The following UBR3 variants were observed in gnomAD, a reference collection of about 807,000 sequenced individuals.
UBR3 encodes the protein E3 ubiquitin-protein ligase UBR3.
Under a neutral mutation model 243.2 loss-of-function variants are expected in UBR3, and 85 were observed. The ratio of observed to expected loss-of-function variants is 0.35; its 90% confidence interval spans 0.29 to 0.42. The LOEUF is 0.42. UBR3 is among the 10% of genes least tolerant of loss of function. The pLI, the probability that UBR3 is intolerant of heterozygous loss-of-function variation, is 1.00. For missense variants in UBR3, 1,686 were observed against 2,300.8 expected (o/e 0.73, Z 5.47); for synonymous variants, 748 against 799.8 (o/e 0.94, Z 1.09).
chr2:169,857,737 T>C (rs1264588488), intron 1 of UBR3, among the ~76,000 whole-genome samples: 1 of 151,844 alleles, frequency 6.6e-6, no homozygotes, highest in Non-Finnish European at 1.5e-5. Flanking sequence ...AAATTTAATC[T>C]ATTTTTATTT....
At chr2:169,896,316 A>G (rs1272905553) in intron 7 of UBR3, among the ~76,000 whole-genome samples, 191 bp from the exon 8 acceptor site, 1 of 152,040 alleles carries the variant, frequency 6.6e-6, no homozygotes, top group African/African-American at 2.4e-5. Flanking sequence ...TTTTTCTTTA[A>G]CCATCAAAAT....
chr2:169,830,055 C>T (rs1206145621), intron 1 of UBR3, among the ~76,000 whole-genome samples: 3 of 152,128 alleles, frequency 2.0e-5, no homozygotes, highest in South Asian at 2.1e-4. Context: ...TGTCGTCATT[C>T]TATTTTTTTA....
chr2:169,998,640 G>A (rs1161883427), intron 26 of UBR3, among the ~76,000 whole-genome samples: 4 of 152,192 alleles, frequency 2.6e-5, no homozygotes, highest in African/African-American at 9.7e-5. Context: ...ACTGTATAGA[G>A]CAGAAGAATG....
At chr2:169,966,689 C>T (rs1399900411) in intron 24 of UBR3, among the ~76,000 whole-genome samples, 6 of 152,118 alleles carry the variant, frequency 3.9e-5, no homozygotes, top group African/African-American at 1.4e-4. Context: ...CTTCTCTCTA[C>T]CTCGTTTTCA....
chr2:170,081,271 G>A (rs1301188609), intron 38 of UBR3, among the ~76,000 whole-genome samples: 2 of 152,150 alleles, frequency 1.3e-5, no homozygotes, highest in Admixed American at 6.5e-5. Flanking sequence ...GGCCGAGGTG[G>A]GTGGATCACT....
chr2:169,839,661 AAT>A (rs1417174827), intron 1 of UBR3, among the ~76,000 whole-genome samples: 1 of 152,190 alleles, frequency 6.6e-6, no homozygotes, highest in African/African-American at 2.4e-5. Flanking sequence ...TTATGCATCA[AAT>A]AAAACACACA....
chr2:169,852,030 T>C (rs1055614879), intron 1 of UBR3, among the ~76,000 whole-genome samples: 3 of 152,178 alleles, frequency 2.0e-5, no homozygotes, highest in Non-Finnish European at 4.4e-5. Context: ...TTATTTTTTT[T>C]CCCGGTAATT....
rs192402082 is a variant in UBR3 at position 170,081,425 on chromosome 2, G to A, written c.5550-301G>A. Among the ~76,000 whole-genome samples, 139 of 151,290 alleles carry A rather than the reference G, an allele frequency of 9.2e-4. 1 individual carries two copies. Among genetic ancestry groups the A allele is most frequent in the African/African-American group, 3.3e-3 (136 of 41,200 alleles). ...TGAGGCAGGAGAATGGCATGAACTC[G>A]GGAGGCGGAGCTTGCAGTGAGCCAA... On this transcript the variant is annotated intron_variant, in intron 38 of 38. Transcript: ENST00000272793.
chr2:170,022,179 G>A (rs1380033920), intron 30 of UBR3, among the ~76,000 whole-genome samples: 1 of 152,114 alleles, frequency 6.6e-6, no homozygotes, highest in Non-Finnish European at 1.5e-5. Context: ...AAAGCGAAAA[G>A]GGGAGGCTTC....
chr2:170,037,395 A>T (rs1317080370), intron 31 of UBR3, among the ~76,000 whole-genome samples: 11 of 149,990 alleles, frequency 7.3e-5, no homozygotes, highest in Non-Finnish European at 3.0e-5. Flanking sequence ...CTCACTTATA[A>T]TTTTTTTTTT....
rs186186879 is a variant in UBR3 at position 169,932,984 on chromosome 2, C to G, written c.2639C>G (p.Ser880Cys). 15 of 1,531,406 alleles carry G rather than the reference C, an allele frequency of 9.8e-6. No homozygotes were observed. In the East Asian group the frequency reaches 3.8e-4, roughly 38 times the overall value. 94.9% of individuals were successfully genotyped at this position (1,531,406 alleles called of 1,614,324 possible). A position where few individuals can be genotyped will look rare whatever the true frequency, so the allele number is the denominator to read the frequency against. The change falls in exon 19 of 39, where the codon TCT (serine) becomes TGT (cysteine). Residue 880 changes from serine (S) to cysteine (C), a missense_variant. By Grantham distance (112) the Ser-to-Cys change is moderately radical. Around this residue, in one of 8 missense-constraint regions of UBR3, gnomAD observed 346 missense variants for 585.8 expected, o/e 0.59. Coordinates refer to ENST00000272793, the MANE Select transcript of UBR3 (RefSeq NM_172070.4). ...LRTVYRRDVQ[S>C]AMDRYTAFLK... ...ACAGTTTACCGTAGAGATGTGCAGT[C>G]TGCAATGGACAGATATACTGCATTG...
chr2:170,033,157 A>G (rs1036234711), intron 31 of UBR3, among the ~76,000 whole-genome samples: 4 of 152,064 alleles, frequency 2.6e-5, no homozygotes, highest in African/African-American at 7.2e-5. Context: ...AGTATTGACT[A>G]ATTAAAAAGC....
intron 5 of UBR3, among the ~76,000 whole-genome samples, chr2:169,885,283 C>A (rs1371373698): frequency 1.3e-5 from 2 of 152,036 alleles, no homozygotes; most frequent in East Asian, 3.9e-4. Flanking sequence ...GGAATTGTAA[C>A]AATTAAAAGA....
At chr2:169,954,112 A>C (rs184230294) in intron 23 of UBR3, among the ~76,000 whole-genome samples, 3 of 152,256 alleles carry the variant, frequency 2.0e-5, no homozygotes, top group Non-Finnish European at 2.9e-5. Context: ...TGATAGTGGT[A>C]TTTGAGTATG....
At chr2:169,884,967 A>G (rs2084034237) in intron 5 of UBR3, among the ~76,000 whole-genome samples, 1 of 152,236 alleles carries the variant, frequency 6.6e-6, no homozygotes, top group Non-Finnish European at 1.5e-5. Context: ...GTACTTAAAT[A>G]TAGATGTTCT....
intron 10 of UBR3, among the ~76,000 whole-genome samples, chr2:169,909,530 A>G (rs552568103): frequency 6.6e-5 from 10 of 152,302 alleles, no homozygotes; most frequent in Admixed American, 3.3e-4. Flanking sequence ...GATTTTGACT[A>G]AAGGGTACAA....
At chr2:169,895,073 T>G in intron 6 of UBR3, 108 bp from the exon 7 acceptor site, 1 of 1,067,842 alleles carries the variant, frequency 9.4e-7, no homozygotes, top group Non-Finnish European at 1.3e-6. Context: ...TGTAAGGATA[T>G]TTTTAACTTT....
At position 170,073,556 on chromosome 2, in the gene UBR3, G is replaced by C; in HGVS notation, c.5148G>C (p.Gln1716His). ...TTCCAGCATTTGATATTATAACTCA[G>C]TGGTGTTTTGAGATAAAATCATTTA... ...WPVPAFDIIT[Q>H]WCFEIKSFTE... Residue 1716 changes from glutamine (Q) to histidine (H), a missense_variant, in exon 36 of 39, where the codon CAG becomes CAC. Coordinates refer to ENST00000272793, the MANE Select transcript of UBR3 (RefSeq NM_172070.4). 6.2e-7 allele frequency: 1 copy of C among 1,613,512 alleles called. No individual in the cohort carries two copies. The highest frequency in any genetic ancestry group is 8.5e-7 in the Non-Finnish European group (1 of 1,179,674).
chr2:170,042,225 G>A (rs1010208236), intron 32 of UBR3, among the ~76,000 whole-genome samples: 8 of 151,880 alleles, frequency 5.3e-5, no homozygotes, highest in African/African-American at 1.9e-4. Flanking sequence ...TATACATTAC[G>A]TTGCATTTTG....
Sources: gnomAD v4.1 joint callset for allele counts (sites outside exome capture counted in the v4.1 genomes callset) on GRCh38, gnomAD v4.1.1 for gene constraint, gnomAD v4.1.1 regional missense constraint, MANE v1.5 for transcripts, NCBI Gene and HGNC (gene_info 2026-07-23, HGNC 2026-07-21) for gene names.